The following FAM184A variants were observed in gnomAD, a reference collection of about 807,000 sequenced individuals.
The protein encoded by FAM184A is protein FAM184A.
A neutral mutation model predicts 143.8 loss-of-function variants in FAM184A; 99 were observed. The ratio of observed to expected loss-of-function variants is 0.69; its 90% CI spans 0.58 to 0.81. The LOEUF (loss-of-function observed/expected upper bound fraction) is 0.81. Among genes scored for constraint, FAM184A ranks in the 40% least tolerant of loss-of-function variants. The pLI is 0.00. For synonymous variants in FAM184A, 427 were observed against 446.4 expected, an observed-to-expected ratio of 0.96 and a Z score of 0.55; for missense variants, 1,217 against 1,310.5, an observed-to-expected ratio of 0.93 and a Z score of 1.10.
chr6:119,076,546 T>A (rs1205559357), intron 1 of FAM184A, among the ~76,000 whole-genome samples: 3 of 151,930 alleles, frequency 2.0e-5, no homozygotes, highest in Admixed American at 6.6e-5. Context: ...AAGTGTTAAG[T>A]AGAAAGAAAA....
At chr6:119,111,833 C>A (rs917568367) in intron 1 of FAM184A, among the ~76,000 whole-genome samples, 1 of 152,168 alleles carries the variant, frequency 6.6e-6, no homozygotes, top group East Asian at 1.9e-4. Flanking sequence ...CTATAAAATC[C>A]ATTTCCTGGC....
At chr6:119,017,497 CAA>C (rs539884989) in intron 4 of FAM184A, among the ~76,000 whole-genome samples, 11 of 120,982 alleles carry the variant, frequency 9.1e-5, no homozygotes, top group Admixed American at 1.7e-4. Context: ...GACTCCATCT[CAA>C]AAAAAAAAAA....
chr6:119,053,698 C>G (rs1471494639), intron 1 of FAM184A, among the ~76,000 whole-genome samples: 1 of 152,116 alleles, frequency 6.6e-6, no homozygotes, highest in East Asian at 1.9e-4. Flanking sequence ...ACCCACACAC[C>G]CACAAAGGGA....
At chr6:119,013,409 A>G (rs1255000138) in intron 5 of FAM184A, among the ~76,000 whole-genome samples, 2 of 152,252 alleles carry the variant, frequency 1.3e-5, no homozygotes, top group Non-Finnish European at 2.9e-5. Flanking sequence ...TCCAATAAGA[A>G]AGAAAGTGGC....
chr6:119,095,850 T>C (rs77462706), intron 1 of FAM184A, among the ~76,000 whole-genome samples: 3,444 of 152,314 alleles, frequency 0.023, 361 homozygotes, highest in Admixed American at 0.18. Flanking sequence ...AGAGCCACCA[T>C]GCCCAGACAG....
At chr6:119,063,700 G>T (rs532133995) in intron 1 of FAM184A, among the ~76,000 whole-genome samples, 3 of 152,072 alleles carry the variant, frequency 2.0e-5, no homozygotes, top group Non-Finnish European at 4.4e-5. Flanking sequence ...GCAGGTAATA[G>T]TTGCTCCAAA....
At chr6:118,980,795 A>T (rs1783996392) in intron 9 of FAM184A, among the ~76,000 whole-genome samples, 1 of 152,174 alleles carries the variant, frequency 6.6e-6, no homozygotes, top group South Asian at 2.1e-4. Context: ...TAGCTCTGTC[A>T]CTTGTTAGTA....
chr6:119,003,135 T>G (rs1784817065), intron 8 of FAM184A, 86 bp from the exon 9 acceptor site: 3 of 1,163,130 alleles, frequency 2.6e-6, no homozygotes, highest in South Asian at 1.7e-5. Context: ...TTTAAGCGCT[T>G]AATTAATCCT....
chr6:119,096,642 C>CAAAAAAAAAAA (rs763619775), intron 1 of FAM184A, among the ~76,000 whole-genome samples: 1 of 20,646 alleles, frequency 4.8e-5, no homozygotes, highest in Non-Finnish European at 8.0e-5. Flanking sequence ...GACTCCATCT[C>CAAAAAAAAAAA]AAAAAAAAAA....
intron 6 of FAM184A, among the ~76,000 whole-genome samples, chr6:119,010,533 ATT>A (rs1785056948): frequency 6.6e-6 from 1 of 151,868 alleles, no homozygotes; most frequent in South Asian, 2.1e-4. Flanking sequence ...GGGTGTCTGT[ATT>A]TTTCTTATTG....
At chr6:119,018,453 G>T (rs1389028939) in intron 4 of FAM184A, among the ~76,000 whole-genome samples, 2 of 152,188 alleles carry the variant, frequency 1.3e-5, no homozygotes, top group Non-Finnish European at 2.9e-5. Context: ...AAAGTTTAGG[G>T]AGACAGAAAG....
At chr6:119,054,705 C>T (rs182573695) in intron 1 of FAM184A, among the ~76,000 whole-genome samples, 19 of 152,154 alleles carry the variant, frequency 1.2e-4, no homozygotes, top group African/African-American at 4.3e-4. Flanking sequence ...TTATCTTAAC[C>T]GTCACTAAAC....
At chr6:119,147,232 A>G (rs1318668994) in intron 1 of FAM184A, among the ~76,000 whole-genome samples, 2 of 152,058 alleles carry the variant, frequency 1.3e-5, no homozygotes, top group Non-Finnish European at 2.9e-5. Context: ...AAGTTGCTTC[A>G]GCTACATAGT....
chr6:119,047,711 G>A (rs1409038377), intron 1 of FAM184A, among the ~76,000 whole-genome samples: 3 of 152,034 alleles, frequency 2.0e-5, no homozygotes, highest in African/African-American at 4.8e-5. Flanking sequence ...TCAATAATGA[G>A]CTCCAAAATT....
rs771078465 is a variant in FAM184A, at chr6:119,024,818, A to C, written c.160-5T>G. On this transcript the variant is annotated splice_region_variant and splice_polypyrimidine_tract_variant and intron_variant, in intron 1 of 17. Transcript: ENST00000338891. ...AGTGTTTAAAGCATATATTACCTGC[A>C]TGGTTTTGAATAAGAAGGGAGAAGG... The C allele has an allele frequency of 6.4e-7, 1 of 1,571,310 alleles. No individual in the cohort carries two copies. The highest frequency in any genetic ancestry group is 2.2e-5 in the East Asian group (1 of 44,492).
chr6:119,136,284 C>CAAA (rs11454485), intron 1 of FAM184A, among the ~76,000 whole-genome samples: 874 of 65,612 alleles, frequency 0.013, 52 homozygotes, highest in African/African-American at 0.046. Context: ...GACTCCGTCT[C>CAAA]AAAAAAAAAA....
chr6:119,128,010 A>G (rs1029298972), intron 1 of FAM184A, among the ~76,000 whole-genome samples: 5 of 152,182 alleles, frequency 3.3e-5, no homozygotes, highest in African/African-American at 1.2e-4. Context: ...CTGAAACACT[A>G]GTTCAGGCCA....
chr6:118,980,040 C>G, intron 10 of FAM184A, 98 bp downstream of exon 10: 1 of 882,212 alleles, frequency 1.1e-6, no homozygotes, highest in Non-Finnish European at 1.8e-6. Flanking sequence ...AGAGTGAGAC[C>G]CTGTCTCAAA....
chr6:118,968,457 A>C (rs1169961825), intron 14 of FAM184A, among the ~76,000 whole-genome samples: 1 of 152,210 alleles, frequency 6.6e-6, no homozygotes, highest in Admixed American at 6.5e-5. Flanking sequence ...CAAGTGAAAA[A>C]TAATGTGATT....
Sources: gnomAD v4.1 joint callset for allele counts (sites outside exome capture counted in the v4.1 genomes callset) on GRCh38, gnomAD v4.1.1 for gene constraint, MANE v1.5 for transcripts, NCBI Gene and HGNC (gene_info 2026-07-23, HGNC 2026-07-21) for gene names.